GLIS3: variants seen among roughly 807,000 people sequenced by gnomAD.
GLIS3 encodes zinc finger protein GLIS3.
Under a neutral mutation model 78.6 loss-of-function variants are expected in GLIS3, and 53 were observed. The observed-to-expected ratio is 0.67, with a 90% confidence interval of 0.54 to 0.85. The LOEUF is 0.85. GLIS3 is among the 40% of genes least tolerant of loss of function. GLIS3 has a pLI of 0.00. For synonymous variants in GLIS3, 684 were observed against 509.9 expected (o/e 1.34, Z -4.60); for missense variants, 1,703 against 1,231.1 (o/e 1.38, Z -5.74).
chr9:3,856,247 C>A, intron 8 of GLIS3, 63 bp from the exon 9 acceptor site: 1 of 1,459,468 alleles, frequency 6.9e-7, no homozygotes, highest in South Asian at 1.2e-5. Context: ...AAGACAAACT[C>A]TCCAAAGCCA....
At chr9:3,855,184 T>A (rs1042673986) in intron 9 of GLIS3, among the ~76,000 whole-genome samples, 1 of 152,258 alleles carries the variant, frequency 6.6e-6, no homozygotes, top group Non-Finnish European at 1.5e-5. Flanking sequence ...GATACGTGCC[T>A]GAAATGGCAA....
intron 1 of GLIS3, among the ~76,000 whole-genome samples, chr9:4,297,959 A>AGGCGAC (rs1443420627): frequency 4.6e-5 from 7 of 151,732 alleles, no homozygotes; most frequent in Non-Finnish European, 8.8e-5. Context: ...CCGGAGGCGG[A>AGGCGAC]GGCGACAGCG....
intron 6 of GLIS3, among the ~76,000 whole-genome samples, chr9:3,926,821 C>G (rs1228270254): frequency 6.6e-6 from 1 of 151,680 alleles, no homozygotes; most frequent in African/African-American, 2.4e-5. Context: ...AATGGGGATT[C>G]GTCATGTTGG....
chr9:3,944,198 A>T (rs1361052609), intron 4 of GLIS3, among the ~76,000 whole-genome samples: 1 of 152,164 alleles, frequency 6.6e-6, no homozygotes, highest in Non-Finnish European at 1.5e-5. Flanking sequence ...AATGAAAAAA[A>T]TTTTTCAAGA....
At chr9:4,275,308 C>T (rs1294170347) in intron 2 of GLIS3, among the ~76,000 whole-genome samples, 3 of 152,104 alleles carry the variant, frequency 2.0e-5, no homozygotes, top group African/African-American at 7.2e-5. Context: ...TGGATGGAAA[C>T]GACAGCTGAA....
chr9:4,113,660 A>G lies in GLIS3; in HGVS notation c.1710+4108T>C, dbSNP rs1286026838. Among the ~76,000 whole-genome samples, 6 of 152,186 alleles carry G rather than the reference A, an allele frequency of 3.9e-5. No individual in the cohort carries two copies. In the East Asian group the frequency reaches 9.6e-4, roughly 24 times the overall value. On this transcript the variant is annotated intron_variant, in intron 4 of 10. Transcript: ENST00000381971. ...TGAAAAAGGCCTTCCACAGCTTACA[A>G]TAAATTTACATTTCCTCAAGACATG... is the stretch of plus-strand genomic sequence containing the variant.
the GLIS3 span, among the ~76,000 whole-genome samples, chr9:4,385,798 AAAGAAAGAAAGAAAAGAAAGAAAGAG>A: frequency 4.0e-5 from 3 of 75,262 alleles, no homozygotes; most frequent in Non-Finnish European, 7.6e-5. Context: ...AGAAAGAAAG[AAAGAAAGAAAGAAAAGAAAGAAAGAG>A]AAAAGAAAGA....
At chr9:4,219,563 T>C (rs566063213) in intron 2 of GLIS3, among the ~76,000 whole-genome samples, 1 of 152,266 alleles carries the variant, frequency 6.6e-6, no homozygotes, top group East Asian at 1.9e-4. Context: ...CAAACGATCA[T>C]TCAAATATTT....
chr9:4,310,858 T>C (rs1050239216), intron 2 of GLIS3, among the ~76,000 whole-genome samples: 15 of 152,242 alleles, frequency 9.9e-5, no homozygotes, highest in African/African-American at 3.4e-4. Flanking sequence ...GTGATGTTGA[T>C]GTTTTACACT....
intron 2 of GLIS3, among the ~76,000 whole-genome samples, chr9:4,144,362 G>C (rs1240105904): frequency 1.3e-5 from 2 of 152,166 alleles, no homozygotes; most frequent in Non-Finnish European, 2.9e-5. Context: ...GTTATAACAT[G>C]CATTTTACTA....
At chr9:4,091,487 C>T (rs1829496890) in intron 4 of GLIS3, among the ~76,000 whole-genome samples, 2 of 152,072 alleles carry the variant, frequency 1.3e-5, no homozygotes, top group South Asian at 4.2e-4. Context: ...AGATCACTTA[C>T]CATAAGTCAG....
At chr9:4,103,388 A>G (rs902192997) in intron 4 of GLIS3, among the ~76,000 whole-genome samples, 3 of 152,264 alleles carry the variant, frequency 2.0e-5, no homozygotes, top group South Asian at 2.1e-4. Flanking sequence ...AGACATTACC[A>G]GAGCAGGCAC....
intron 4 of GLIS3, among the ~76,000 whole-genome samples, chr9:4,066,082 T>A (rs529256459): frequency 6.0e-5 from 9 of 150,352 alleles, no homozygotes; most frequent in Admixed American, 6.0e-4. Context: ...AATCCTTTAA[T>A]GAATTTTAAG....
At chr9:4,323,531 T>G (rs1043454249) in intron 2 of GLIS3, among the ~76,000 whole-genome samples, 2 of 152,234 alleles carry the variant, frequency 1.3e-5, no homozygotes, top group Non-Finnish European at 2.9e-5. Flanking sequence ...TGCAATGCTT[T>G]CTGTCTTCTT....
intron 2 of GLIS3, among the ~76,000 whole-genome samples, chr9:4,198,111 G>T (rs991411700): frequency 6.6e-6 from 1 of 152,094 alleles, no homozygotes; most frequent in Non-Finnish European, 1.5e-5. Context: ...ATGTAGTAAC[G>T]CCACCAAAGA....
the GLIS3 span, among the ~76,000 whole-genome samples, chr9:4,466,161 G>A: frequency 3.3e-4 from 50 of 151,942 alleles, no homozygotes; most frequent in African/African-American, 1.1e-3. Flanking sequence ...AAGATACAAG[G>A]GTATATAATG....
chr9:3,844,402 G>A (rs1279140681), intron 9 of GLIS3, among the ~76,000 whole-genome samples: 1 of 152,166 alleles, frequency 6.6e-6, no homozygotes, highest in African/African-American at 2.4e-5. Flanking sequence ...GCCTAGAATA[G>A]TGTTATCAGA....
the GLIS3 span, among the ~76,000 whole-genome samples, chr9:4,369,524 T>C: frequency 6.6e-6 from 1 of 152,226 alleles, no homozygotes; most frequent in Admixed American, 6.5e-5. Flanking sequence ...TGAGAGAACA[T>C]GGTGCCACAG....
intron 7 of GLIS3, among the ~76,000 whole-genome samples, chr9:3,890,609 GTAT>G (rs1035781689): frequency 3.3e-5 from 5 of 151,988 alleles, no homozygotes; most frequent in African/African-American, 9.7e-5. Context: ...TATGGAGTCA[GTAT>G]TATTATTATT....
Sources: gnomAD v4.1 joint callset for allele counts (sites outside exome capture counted in the v4.1 genomes callset) on GRCh38, gnomAD v4.1.1 for gene constraint, MANE v1.5 for transcripts, NCBI Gene and HGNC (gene_info 2026-07-23, HGNC 2026-07-21) for gene names.